Variants in SLC38A9 observed in about 807,000 individuals in gnomAD.
The protein encoded by SLC38A9 is solute carrier family 38 member 9.
SLC38A9 carries 48 observed loss-of-function variants against 62.3 expected under a neutral mutation model. The ratio of observed to expected loss-of-function variants is 0.77; its 90% CI spans 0.61 to 0.98. The LOEUF (loss-of-function observed/expected upper bound fraction) is 0.98, where lower values mean the gene tolerates loss of function less well. SLC38A9 is among the 50% of genes least tolerant of loss of function. The pLI, the probability that SLC38A9 is intolerant of heterozygous loss-of-function variation, is 0.00. For missense variants in SLC38A9, 541 were observed against 679.8 expected, an observed-to-expected ratio of 0.80 and a Z score of 2.27; for synonymous variants, 204 against 227.7, an observed-to-expected ratio of 0.90 and a Z score of 0.94.
intron 3 of SLC38A9, among the ~76,000 whole-genome samples, chr5:55,687,611 T>G (rs112790731): frequency 0.037 from 5,578 of 152,270 alleles, 136 homozygotes; most frequent in African/African-American, 0.07. Context: ...CTCTGATTTC[T>G]TTGAGCAGCA....
intron 2 of SLC38A9, chr5:55,702,772 A>G (rs1270862003): frequency 6.6e-6 from 1 of 152,084 alleles, no homozygotes; most frequent in East Asian, 1.9e-4. Flanking sequence ...TGTTAGTAAC[A>G]TGTTCTATTT....
At chr5:55,700,789 T>C (rs1756539304) in intron 2 of SLC38A9, among the ~76,000 whole-genome samples, 1 of 152,212 alleles carries the variant, frequency 6.6e-6, no homozygotes. Flanking sequence ...TTGGAAATAT[T>C]TGCCAAAAGA....
intron 2 of SLC38A9, among the ~76,000 whole-genome samples, chr5:55,701,546 A>G (rs1756645667): frequency 6.6e-6 from 1 of 152,186 alleles, no homozygotes; most frequent in Admixed American, 6.5e-5. Flanking sequence ...TTACCACAAC[A>G]GCATTCTAAT....
chr5:55,710,473 T>C (rs1561458918), intron 2 of SLC38A9, among the ~76,000 whole-genome samples: 1 of 152,074 alleles, frequency 6.6e-6, no homozygotes, highest in Admixed American at 6.5e-5. Context: ...CTCCCAAAAG[T>C]GTTGGGATTA....
intron 14 of SLC38A9, among the ~76,000 whole-genome samples, chr5:55,631,951 T>C (rs971630650): frequency 5.3e-5 from 8 of 151,756 alleles, no homozygotes; most frequent in African/African-American, 1.9e-4. Flanking sequence ...GAAATTTCTC[T>C]TGAAAAAAAA....
intron 2 of SLC38A9, among the ~76,000 whole-genome samples, chr5:55,701,913 T>A (rs897262552): frequency 2.0e-5 from 3 of 152,232 alleles, no homozygotes; most frequent in African/African-American, 7.2e-5. Context: ...ACCACTATGC[T>A]ATGCTGTCTT....
intron 3 of SLC38A9, among the ~76,000 whole-genome samples, chr5:55,684,053 A>C (rs1024985754): frequency 9.9e-5 from 15 of 152,248 alleles, no homozygotes; most frequent in Non-Finnish European, 1.9e-4. Context: ...TGGGTACTGT[A>C]ATTACAGAAT....
chr5:55,681,930 G>A (rs1753069221), intron 3 of SLC38A9, among the ~76,000 whole-genome samples: 3 of 152,068 alleles, frequency 2.0e-5, no homozygotes, highest in African/African-American at 7.2e-5. Context: ...CTCCACAACG[G>A]CAAAGTTGAG....
rs1217880545 is a variant in SLC38A9, at chr5:55,692,866, A to G, written c.113+4980T>C. The G allele has an allele frequency of 3.1e-6, 3 of 979,572 alleles. No individual in the cohort carries two copies. In the African/African-American group the frequency reaches 5.3e-5, roughly 17 times the overall value. 60.7% of individuals were successfully genotyped at this position (979,572 alleles called of 1,614,324 possible). ...CTTATATTTACTGACATTGGATTATATAAGTAAGAATCAAAAGTCTTATTT... is the reference window on the plus strand; with the variant it reads ...CTTATATTTACTGACATTGGATTATGTAAGTAAGAATCAAAAGTCTTATTT... On this transcript the variant is annotated intron_variant, in intron 3 of 15. Transcript: ENST00000396865.
At chr5:55,653,312 C>T (rs1747864751) in intron 9 of SLC38A9, among the ~76,000 whole-genome samples, 1 of 152,162 alleles carries the variant, frequency 6.6e-6, no homozygotes, top group African/African-American at 2.4e-5. Flanking sequence ...AAAAATATCC[C>T]ACCAAATATC....
At chr5:55,666,504 T>C (rs910003862) in intron 7 of SLC38A9, among the ~76,000 whole-genome samples, 11 of 152,168 alleles carry the variant, frequency 7.2e-5, no homozygotes, top group African/African-American at 2.4e-4. Context: ...AGCTAGTACA[T>C]GGCAGAAAGC....
chr5:55,633,035 G>T (rs1195474306), intron 14 of SLC38A9, among the ~76,000 whole-genome samples: 2 of 151,334 alleles, frequency 1.3e-5, no homozygotes, highest in African/African-American at 2.4e-5. Flanking sequence ...TGGAGTCAGG[G>T]TCTCACTGTA....
At position 55,633,503 on chromosome 5, in the gene SLC38A9, A is replaced by G. The variant is rs78698058; in HGVS notation, c.1430+251T>C. On this transcript the variant is annotated intron_variant, in intron 14 of 15. Coordinates refer to ENST00000396865, the MANE Select transcript of SLC38A9 (RefSeq NM_173514.4). Reference sequence around the variant, plus strand: ...ATATGTAAATCAATAGCAATTAAATAATAAGATAAATATAAATGGTATCGG... The same window carrying G: ...ATATGTAAATCAATAGCAATTAAATGATAAGATAAATATAAATGGTATCGG... The G allele has an allele frequency of 2.9e-3, 1,166 of 395,580 alleles. 13 individuals are homozygous for G. The highest frequency in any genetic ancestry group is 0.022 in the African/African-American group (1,101 of 49,678). The allele number at this position is 395,580 out of a possible 1,614,324, so 24.5% of individuals were successfully genotyped here. A position where few individuals can be genotyped will look rare whatever the true frequency, so the allele number is the denominator to read the frequency against.
chr5:55,683,299 T>C (rs1257227842), intron 3 of SLC38A9, among the ~76,000 whole-genome samples: 1 of 152,182 alleles, frequency 6.6e-6, no homozygotes, highest in Non-Finnish European at 1.5e-5. Context: ...CATAGTGCAC[T>C]GTGGACTCAA....
chr5:55,639,204 C>T (rs1215834557), intron 12 of SLC38A9, among the ~76,000 whole-genome samples: 1 of 142,344 alleles, frequency 7.0e-6, no homozygotes, highest in Non-Finnish European at 1.5e-5. Context: ...ACCGGGAAGG[C>T]GGAGGTTGCA....
Position 55,626,404 on chromosome 5 carries a change from C to T in SLC38A9, c.*90G>A. ...ATCTTAGAAAATATTTAGAATTACA[C>T]AACAGCAGCATTTACAAGTGAATTT... On this transcript the variant is annotated 3_prime_UTR_variant, in exon 16 of 16. Transcript: ENST00000396865. 1 of 1,101,800 alleles carries T rather than the reference C, an allele frequency of 9.1e-7. No homozygotes were observed. The highest frequency in any genetic ancestry group is 2.4e-5 in the East Asian group (1 of 41,458). The allele number at this position is 1,101,800 out of a possible 1,614,324, so 68.3% of individuals were successfully genotyped here.
At chr5:55,659,256 C>A (rs1438251382) in intron 8 of SLC38A9, among the ~76,000 whole-genome samples, 1 of 145,752 alleles carries the variant, frequency 6.9e-6, no homozygotes, top group Non-Finnish European at 1.5e-5. Flanking sequence ...AAAAAAAAAC[C>A]ATCAATATAT....
chr5:55,677,926 T>TTGTGTGTGTGTG (rs10682261), intron 3 of SLC38A9, among the ~76,000 whole-genome samples: 2,994 of 112,102 alleles, frequency 0.027, 66 homozygotes, highest in East Asian at 0.078. Context: ...TTTTTCTTTA[T>TTGTGTGTGTGTG]TGTGTGTGTG....
At chr5:55,711,192 G>A (rs1383643601) in intron 2 of SLC38A9, among the ~76,000 whole-genome samples, 1 of 151,494 alleles carries the variant, frequency 6.6e-6, no homozygotes, top group African/African-American at 2.4e-5. Flanking sequence ...ACTCAGGAGG[G>A]TGAGGCACGA....
Sources: gnomAD v4.1 joint callset for allele counts (sites outside exome capture counted in the v4.1 genomes callset) on GRCh38, gnomAD v4.1.1 for gene constraint, MANE v1.5 for transcripts, NCBI Gene and HGNC (gene_info 2026-07-23, HGNC 2026-07-21) for gene names.